Variants in KRABD5 observed in about 807,000 individuals in gnomAD.
KRABD5 encodes KRAB domain-containing protein 5.
the KRABD5 span, among the ~76,000 whole-genome samples, chr16:31,734,146 G>T: frequency 6.6e-6 from 1 of 151,544 alleles, no homozygotes; most frequent in Non-Finnish European, 1.5e-5. Context: ...TGTGTGTGTT[G>T]TATAATGATC....
the KRABD5 span, among the ~76,000 whole-genome samples, chr16:31,751,946 A>G: frequency 6.6e-4 from 101 of 152,210 alleles, no homozygotes; most frequent in South Asian, 1.5e-3. Context: ...AGATTTTGGT[A>G]TGTGTTTTCT....
chr16:31,716,309 A>T, the KRABD5 span, among the ~76,000 whole-genome samples: 2 of 152,186 alleles, frequency 1.3e-5, no homozygotes, highest in Non-Finnish European at 2.9e-5. Flanking sequence ...CTGTAGCACA[A>T]ACCAGTCCTT....
the KRABD5 span, among the ~76,000 whole-genome samples, chr16:31,749,197 G>T: frequency 3.9e-5 from 6 of 152,214 alleles, no homozygotes; most frequent in Non-Finnish European, 7.3e-5. Context: ...TGCACAGTGA[G>T]AAAGGATGGC....
chr16:31,719,993 G>C, the KRABD5 span, among the ~76,000 whole-genome samples: 1 of 152,188 alleles, frequency 6.6e-6, no homozygotes, highest in Non-Finnish European at 1.5e-5. Flanking sequence ...AACAGAAGAA[G>C]AGAGAGAAAG....
chr16:31,755,397 G>A, the KRABD5 span: 5 of 499,972 alleles, frequency 1.0e-5, no homozygotes, highest in African/African-American at 2.0e-5. Flanking sequence ...TGTAAAGAAT[G>A]TGGCAAAGCC....
the KRABD5 span, chr16:31,755,496 C>G: frequency 2.2e-6 from 1 of 461,196 alleles, no homozygotes; most frequent in African/African-American, 2.0e-5. Flanking sequence ...AAATCTTTCT[C>G]TCATTCCTCA....
At chr16:31,742,673 A>G in the KRABD5 span, among the ~76,000 whole-genome samples, 2 of 152,304 alleles carry the variant, frequency 1.3e-5, no homozygotes, top group Non-Finnish European at 2.9e-5. Flanking sequence ...TTGGGTATAT[A>G]CCCAGTAATG....
At chr16:31,719,045 T>C in the KRABD5 span, among the ~76,000 whole-genome samples, 1 of 152,262 alleles carries the variant, frequency 6.6e-6, no homozygotes, top group South Asian at 2.1e-4. Context: ...TGGAGACTCA[T>C]ACTGATAGGT....
the KRABD5 span, chr16:31,754,285 A>G: frequency 4.8e-6 from 3 of 626,262 alleles, no homozygotes; most frequent in Non-Finnish European, 8.5e-6. Flanking sequence ...ACCAACAAAT[A>G]ACACCTCGTT....
the KRABD5 span, among the ~76,000 whole-genome samples, chr16:31,729,195 T>C: frequency 6.6e-6 from 1 of 152,252 alleles, no homozygotes; most frequent in African/African-American, 2.4e-5. Flanking sequence ...GAGTCTCTTG[T>C]AAGCAACCTG....
the KRABD5 span, chr16:31,753,980 T>TA: frequency 6.6e-7 from 1 of 1,508,462 alleles, no homozygotes; most frequent in South Asian, 1.2e-5. Flanking sequence ...ACCTCACTGT[T>TA]ACAGGAGGTC....
At chr16:31,751,810 T>C in the KRABD5 span, among the ~76,000 whole-genome samples, 4 of 152,232 alleles carry the variant, frequency 2.6e-5, no homozygotes, top group African/African-American at 9.6e-5. Context: ...ACATTTGTGC[T>C]CAGCTTATTT....
At chr16:31,721,771 A>T in the KRABD5 span, among the ~76,000 whole-genome samples, 3 of 152,358 alleles carry the variant, frequency 2.0e-5, no homozygotes, top group Admixed American at 6.5e-5. Flanking sequence ...TTCTTCGTTC[A>T]GTGTTCAACC....
the KRABD5 span, among the ~76,000 whole-genome samples, chr16:31,732,269 C>G: frequency 6.6e-6 from 1 of 152,192 alleles, no homozygotes; most frequent in East Asian, 1.9e-4. Context: ...TTTGGCATGG[C>G]TGCCACATTA....
chr16:31,716,331 G>A, the KRABD5 span, among the ~76,000 whole-genome samples: 1 of 152,120 alleles, frequency 6.6e-6, no homozygotes, highest in Non-Finnish European at 1.5e-5. Flanking sequence ...CACCAGTTCT[G>A]CACTGCCCCC....
the KRABD5 span, among the ~76,000 whole-genome samples, chr16:31,741,750 T>A: frequency 2.0e-5 from 3 of 152,190 alleles, no homozygotes; most frequent in African/African-American, 7.2e-5. Flanking sequence ...TTCTGTAGGT[T>A]ATTGATTCTT....
At chr16:31,733,574 A>G in the KRABD5 span, 1 of 456,282 alleles carries the variant, frequency 2.2e-6, no homozygotes, top group Non-Finnish European at 4.4e-6. Flanking sequence ...CAGCTCCTGA[A>G]GAGCACCATT....
chr16:31,716,405 G>C, the KRABD5 span, among the ~76,000 whole-genome samples: 1 of 152,010 alleles, frequency 6.6e-6, no homozygotes, highest in African/African-American at 2.4e-5. Flanking sequence ...ACCCTGACAG[G>C]GTCTCTCACT....
the KRABD5 span, chr16:31,722,666 G>T: frequency 1.2e-6 from 2 of 1,613,260 alleles, no homozygotes; most frequent in African/African-American, 2.7e-5. Context: ...GAATTCTCTC[G>T]GGAGGAGTGG....
Sources: gnomAD v4.1 joint callset for allele counts (sites outside exome capture counted in the v4.1 genomes callset) on GRCh38, gnomAD v4.1.1 for gene constraint, MANE v1.5 for transcripts, NCBI Gene and HGNC (gene_info 2026-07-23, HGNC 2026-07-21) for gene names.